The following DLEU7 variants were observed in gnomAD, a reference collection of about 807,000 sequenced individuals.
DLEU7 encodes the protein leukemia-associated protein 7.
Under a neutral mutation model 16.0 loss-of-function variants are expected in DLEU7, and 17 were observed. The ratio of observed to expected loss-of-function variants is 1.06; its 90% CI spans 0.73 to 1.59. DLEU7 has a LOEUF of 1.59. Ranked by LOEUF, DLEU7 falls within the 40% of genes most tolerant of loss-of-function variation. The probability of loss-of-function intolerance (pLI) is 0.00; values close to 1 mark genes in which losing one functional copy is unlikely to be tolerated. For synonymous variants in DLEU7, 113 were observed against 139.8 expected (o/e 0.81, Z 1.35); for missense variants, 308 against 314.9 (o/e 0.98, Z 0.17).
intron 1 of DLEU7, among the ~76,000 whole-genome samples, chr13:50,770,984 G>C (rs1875289748): frequency 6.6e-6 from 1 of 152,134 alleles, no homozygotes; most frequent in African/African-American, 2.4e-5. Context: ...CTTCTTCCTG[G>C]TTTAGTCTTG....
chr13:50,757,240 C>T (rs915913419), intron 1 of DLEU7, among the ~76,000 whole-genome samples: 16 of 152,188 alleles, frequency 1.1e-4, no homozygotes, highest in Non-Finnish European at 2.4e-4. Context: ...TGCCTCCCAT[C>T]TGCAATGATG....
chr13:50,814,759 T>TGA (rs1876677044), intron 1 of DLEU7, among the ~76,000 whole-genome samples: 3 of 118,576 alleles, frequency 2.5e-5, no homozygotes, highest in African/African-American at 9.8e-5. Flanking sequence ...TGTATTCATG[T>TGA]GAGTGTGTGT....
intron 1 of DLEU7, among the ~76,000 whole-genome samples, chr13:50,728,754 TCATGTGTC>T (rs1392696501): frequency 6.6e-6 from 1 of 152,224 alleles, no homozygotes; most frequent in African/African-American, 2.4e-5. Context: ...TTAAGGATGT[TCATGTGTC>T]CATTGACTTT....
At chr13:50,828,995 AC>A (rs1877177682) in intron 1 of DLEU7, among the ~76,000 whole-genome samples, 2 of 152,210 alleles carry the variant, frequency 1.3e-5, no homozygotes, top group Non-Finnish European at 2.9e-5. Context: ...AGCCTGTCCA[AC>A]CTGTGGCTCA....
At chr13:50,732,406 C>T (rs1026715213) in intron 1 of DLEU7, among the ~76,000 whole-genome samples, 1 of 151,850 alleles carries the variant, frequency 6.6e-6, no homozygotes, top group Non-Finnish European at 1.5e-5. Flanking sequence ...GTCAGGAGCT[C>T]GAGACCAGCC....
chr13:50,833,967 T>C (rs1566268391), intron 1 of DLEU7, among the ~76,000 whole-genome samples: 1 of 152,218 alleles, frequency 6.6e-6, no homozygotes, highest in East Asian at 1.9e-4. Context: ...AAAATAGTGT[T>C]GGGAAAACTG....
rs749629218 is a variant in DLEU7 at position 50,712,853 on chromosome 13, G to T, written c.*364C>A. The T allele has an allele frequency of 3.4e-4, 79 of 230,618 alleles. 1 individual carries two copies. In the Middle Eastern group the frequency reaches 6.0e-3, roughly 17 times the overall value. 14.3% of individuals were successfully genotyped at this position (230,618 alleles called of 1,614,324 possible). ...AAATTCAGACAATACATTCTGAAAA[G>T]CGACTATAACATCCACTTTTCCAGG... is the stretch of plus-strand genomic sequence containing the variant. On this transcript the variant is annotated 3_prime_UTR_variant, in exon 2 of 2. Coordinates refer to the DLEU7 transcript ENST00000400393.
chr13:50,804,219 G>C (rs977089804), intron 1 of DLEU7, among the ~76,000 whole-genome samples: 25 of 151,374 alleles, frequency 1.7e-4, no homozygotes, highest in African/African-American at 5.8e-4. Context: ...TCCTTTATAT[G>C]AACTTTAGAA....
intron 1 of DLEU7, among the ~76,000 whole-genome samples, chr13:50,739,881 G>T (rs1277506163): frequency 2.0e-5 from 3 of 152,060 alleles, no homozygotes; most frequent in Non-Finnish European, 4.4e-5. Context: ...CCTGTTGGGG[G>T]CATGTAAAGC....
chr13:50,812,158 G>GTATTTAA (rs1876590628), intron 1 of DLEU7, among the ~76,000 whole-genome samples: 1 of 151,790 alleles, frequency 6.6e-6, no homozygotes. Context: ...CTGATTTACG[G>GTATTTAA]TATTTTTTTC....
intron 1 of DLEU7, among the ~76,000 whole-genome samples, chr13:50,793,955 G>A (rs1449016056): frequency 6.6e-6 from 1 of 152,134 alleles, no homozygotes; most frequent in African/African-American, 2.4e-5. Flanking sequence ...ATATTTCCTA[G>A]GTTTCTTCTA....
intron 1 of DLEU7, among the ~76,000 whole-genome samples, chr13:50,832,197 C>G (rs144227252): frequency 2.0e-3 from 308 of 152,248 alleles, no homozygotes; most frequent in African/African-American, 7.1e-3. Flanking sequence ...TCGACTTCTT[C>G]ATGGTTTGGT....
chr13:50,826,154 T>C (rs1384110177), intron 1 of DLEU7, among the ~76,000 whole-genome samples: 1 of 151,784 alleles, frequency 6.6e-6, no homozygotes, highest in Non-Finnish European at 1.5e-5. Context: ...TGTGCTCCTA[T>C]GAGAATCTAA....
chr13:50,821,763 G>T (rs1876913840), downstream of DLEU7, among the ~76,000 whole-genome samples: 3 of 152,024 alleles, frequency 2.0e-5, no homozygotes, highest in South Asian at 6.2e-4. Flanking sequence ...AATATTCGTT[G>T]AGGGAATCAT....
At chr13:50,786,753 A>T (rs1875803463) in intron 1 of DLEU7, among the ~76,000 whole-genome samples, 1 of 152,242 alleles carries the variant, frequency 6.6e-6, no homozygotes, top group Non-Finnish European at 1.5e-5. Context: ...GTGTGAGTTA[A>T]AAATGAATGT....
chr13:50,747,655 C>T (rs915111090), intron 1 of DLEU7, among the ~76,000 whole-genome samples: 1 of 152,042 alleles, frequency 6.6e-6, no homozygotes, highest in African/African-American at 2.4e-5. Flanking sequence ...TCCTCGTCAG[C>T]CTGTGAGCCT....
rs559974708 is a variant in DLEU7 at position 50,790,148 on chromosome 13, G to A, written c.459+53040C>T. Among the ~76,000 whole-genome samples the A allele has an allele frequency of 2.6e-4, 40 of 151,986 alleles. No individual in the cohort carries two copies. The South Asian group carries it at 7.9e-3, about 30-fold the overall frequency. On this transcript the variant is annotated intron_variant, in intron 1 of 1. Coordinates refer to the DLEU7 transcript ENST00000400393. ...GGATTTCACTATGTTGGTCAGGCTG[G>A]TATCGAACTCCTGGCCTCAAGTGAT...
chr13:50,788,955 T>A lies in DLEU7; in HGVS notation c.459+54233A>T, dbSNP rs534031299. 4.6e-5 allele frequency among the ~76,000 whole-genome samples: 7 copies of A among 152,234 alleles called. No homozygotes were observed. In the East Asian group the frequency reaches 9.7e-4, roughly 21 times the overall value. ...TGGGTTATATCGAGGAAAGAGCAGC[T>A]TCTAGGAAGTCCGCAGCCGAGTGAA... On this transcript the variant is annotated intron_variant, in intron 1 of 1. Transcript: ENST00000400393.
chr13:50,774,286 C>A (rs1035411552), intron 1 of DLEU7, among the ~76,000 whole-genome samples: 2 of 152,158 alleles, frequency 1.3e-5, no homozygotes, highest in Non-Finnish European at 2.9e-5. Flanking sequence ...ACTGTCCAAC[C>A]AGTCCCAGTG....
Sources: gnomAD v4.1 joint callset for allele counts (sites outside exome capture counted in the v4.1 genomes callset) on GRCh38, gnomAD v4.1.1 for gene constraint, MANE v1.5 for transcripts, NCBI Gene and HGNC (gene_info 2026-07-23, HGNC 2026-07-21) for gene names.